MDGA2: variants seen among roughly 807,000 people sequenced by gnomAD.
MDGA2 encodes the protein MAM domain containing glycosylphosphatidylinositol anchor 2.
A neutral mutation model predicts 117.8 loss-of-function variants in MDGA2; 40 were observed. The observed-to-expected ratio is 0.34, with a 90% CI of 0.26 to 0.44. The LOEUF (loss-of-function observed/expected upper bound fraction) is 0.44, where lower values mean the gene tolerates loss of function less well. Ranked by LOEUF, MDGA2 falls within the 20% of genes least tolerant of loss-of-function variation. The pLI is 1.00. For missense variants in MDGA2, 1,123 were observed against 1,250.6 expected, an observed-to-expected ratio of 0.90 and a Z score of 1.54; for synonymous variants, 452 against 439.0, an observed-to-expected ratio of 1.03 and a Z score of -0.37.
intron 8 of MDGA2, among the ~76,000 whole-genome samples, chr14:47,005,976 T>C (rs77683757): frequency 0.049 from 7,464 of 151,644 alleles, 625 homozygotes; most frequent in African/African-American, 0.17. Context: ...TTTAAGCTGA[T>C]TGTCAGAGGA....
At chr14:47,040,324 A>G (rs1889017494) in intron 7 of MDGA2, among the ~76,000 whole-genome samples, 1 of 145,658 alleles carries the variant, frequency 6.9e-6, no homozygotes, top group Non-Finnish European at 1.5e-5. Context: ...GGGATTACTG[A>G]TAAATTTTAT....
At chr14:47,453,559 C>T (rs1893284436) in intron 1 of MDGA2, among the ~76,000 whole-genome samples, 1 of 152,224 alleles carries the variant, frequency 6.6e-6, no homozygotes, top group East Asian at 1.9e-4. Flanking sequence ...TCATTTCTCA[C>T]TCTTCTTGGT....
intron 15 of MDGA2, among the ~76,000 whole-genome samples, chr14:46,852,424 A>C (rs539816686): frequency 6.6e-6 from 1 of 151,894 alleles, no homozygotes; most frequent in South Asian, 2.1e-4. Flanking sequence ...ATCTGAGTTG[A>C]GGAGATGAGA....
In MDGA2 at chr14:47,242,557, G is replaced by T. The variant is rs941243371; in HGVS notation, c.421-24362C>A. 9.2e-5 allele frequency among the ~76,000 whole-genome samples: 14 copies of T among 151,982 alleles called. No homozygotes were observed. The East Asian group carries it at 2.5e-3, about 27-fold the overall frequency. On this transcript the variant is annotated intron_variant, in intron 2 of 16. Transcript: ENST00000399232. ...TTGGAGCAGCCAGCCAGTCCTGCTG[G>T]CCCCGGGCAATGGGGGACTTAGCAC...
At chr14:46,904,319 C>T (rs945156205) in intron 10 of MDGA2, among the ~76,000 whole-genome samples, 3 of 149,558 alleles carry the variant, frequency 2.0e-5, no homozygotes, top group African/African-American at 7.4e-5. Flanking sequence ...TTGCAGTGAG[C>T]CGAGATCATA....
chr14:47,553,665 G>C (rs986278206), intron 1 of MDGA2, among the ~76,000 whole-genome samples: 1 of 151,954 alleles, frequency 6.6e-6, no homozygotes, highest in African/African-American at 2.4e-5. Context: ...GTATACATAT[G>C]TGTGTGACTG....
Position 47,301,404 on chromosome 14 carries a change from G to A in MDGA2, c.420+7C>T. 6.4e-7 allele frequency: 1 copy of A among 1,551,652 alleles called. No individual in the cohort carries two copies. Among genetic ancestry groups the A allele is most frequent in the Non-Finnish European group, 8.7e-7 (1 of 1,146,960 alleles). On this transcript the variant is annotated splice_region_variant and intron_variant, in intron 2 of 16. Coordinates refer to ENST00000399232, the MANE Select transcript of MDGA2 (RefSeq NM_001113498.3). ...TGTTTTCTCCAGTGTCACAGTTCGG[G>A]ACTCACCTGTGGACGTGGATGTCCT... is the stretch of plus-strand genomic sequence containing the variant.
chr14:46,997,280 C>G (rs1887330052), intron 8 of MDGA2: 1 of 152,562 alleles, frequency 6.6e-6, no homozygotes, highest in South Asian at 2.1e-4. Context: ...CAGTTGACTT[C>G]TAAGAAGTAG....
intron 1 of MDGA2, among the ~76,000 whole-genome samples, chr14:47,631,020 T>C (rs866593580): frequency 2.0e-5 from 3 of 152,168 alleles, no homozygotes; most frequent in Admixed American, 1.3e-4. Flanking sequence ...GACAGCTCCT[T>C]TTTTCCTCTG....
intron 1 of MDGA2, among the ~76,000 whole-genome samples, chr14:47,479,748 G>GA (rs148736363): frequency 0.028 from 4,014 of 145,714 alleles, 58 homozygotes; most frequent in Non-Finnish European, 0.041. Flanking sequence ...GATGAGTAAG[G>GA]AAAAAAAAAA....
At chr14:47,082,959 G>C (rs942017550) in intron 6 of MDGA2, among the ~76,000 whole-genome samples, 2 of 151,942 alleles carry the variant, frequency 1.3e-5, no homozygotes, top group African/African-American at 4.8e-5. Flanking sequence ...ATGTCTACTA[G>C]TAGATTAGAA....
intron 3 of MDGA2, among the ~76,000 whole-genome samples, chr14:47,183,729 G>A (rs1203962536): frequency 2.0e-5 from 3 of 151,888 alleles, no homozygotes; most frequent in East Asian, 3.9e-4. Flanking sequence ...ACATAAATTC[G>A]AGATTGTTAT....
At chr14:46,918,189 A>C (rs920180585) in intron 10 of MDGA2, among the ~76,000 whole-genome samples, 1 of 152,254 alleles carries the variant, frequency 6.6e-6, no homozygotes, top group African/African-American at 2.4e-5. Flanking sequence ...ACCTATAACC[A>C]GAAAATAGCA....
At chr14:47,038,336 A>G (rs905197118) in intron 7 of MDGA2, among the ~76,000 whole-genome samples, 3 of 152,208 alleles carry the variant, frequency 2.0e-5, no homozygotes, top group African/African-American at 7.2e-5. Flanking sequence ...AGTGGTGTCA[A>G]AAGATAGTAT....
chr14:47,095,168 A>G (rs1467948190), intron 6 of MDGA2, among the ~76,000 whole-genome samples: 5 of 152,028 alleles, frequency 3.3e-5, no homozygotes, highest in African/African-American at 1.2e-4. Context: ...AATAAAGAGC[A>G]CATTTCATTG....
intron 3 of MDGA2, among the ~76,000 whole-genome samples, chr14:47,189,229 GA>G (rs1885021958): frequency 6.6e-6 from 1 of 151,560 alleles, no homozygotes; most frequent in Non-Finnish European, 1.5e-5. Context: ...TCCATATATA[GA>G]AATACCCATA....
intron 8 of MDGA2, among the ~76,000 whole-genome samples, chr14:47,003,962 A>C (rs1887623818): frequency 6.6e-6 from 1 of 152,014 alleles, no homozygotes; most frequent in African/African-American, 2.4e-5. Context: ...GACTGTATCA[A>C]AATTAAAAAT....
rs769083202 is a variant in MDGA2, at chr14:47,096,970, T to A, written c.1079A>T (p.Asn360Ile). The change falls in exon 6 of 17, where the codon AAT (asparagine) becomes ATT (isoleucine). Residue 360 changes from asparagine to isoleucine, a missense_variant. Physicochemically the swap from Asn to Ile is moderately radical, Grantham distance 149. Around this residue, in one of 2 missense-constraint regions of MDGA2, gnomAD observed 890 missense variants for 1,050.3 expected, o/e 0.85. Coordinates refer to ENST00000399232, the MANE Select transcript of MDGA2 (RefSeq NM_001113498.3). ...FGTLPEKTVL[N>I]GGTLTIPAIT... ...GGCAGGTATGGTCAAAGTTCCTCCA[T>A]TCAAAACAGTCTTTTCAGGCAGAGT... The A allele has an allele frequency of 6.2e-7, 1 of 1,613,316 alleles. No individual in the cohort carries two copies. The highest frequency in any genetic ancestry group is 8.5e-7 in the Non-Finnish European group (1 of 1,179,492).
Position 47,135,498 on chromosome 14 carries a change from T to C in MDGA2, c.793-3652A>G, listed in dbSNP as rs569093628. Reference sequence around the variant, plus strand: ...GTTTGCTAGCATACATTATAGGACATACTTAAATTTTGGTCTATCCCACTC... The same window carrying C: ...GTTTGCTAGCATACATTATAGGACACACTTAAATTTTGGTCTATCCCACTC... On this transcript the variant is annotated intron_variant, in intron 4 of 16. Transcript: ENST00000399232. Among the ~76,000 whole-genome samples the C allele has an allele frequency of 9.2e-5, 14 of 152,302 alleles. No homozygotes were observed. In the East Asian group the frequency reaches 2.5e-3, roughly 27 times the overall value.
Sources: allele counts gnomAD v4.1 joint callset (sites outside exome capture counted in the v4.1 genomes callset), GRCh38; gene constraint gnomAD v4.1.1; regional missense constraint gnomAD v4.1.1; transcripts MANE v1.5; gene names NCBI Gene and HGNC (gene_info 2026-07-23, HGNC 2026-07-21).